MAP3K15: variants seen among roughly 807,000 people sequenced by gnomAD.
MAP3K15 encodes MAPK/ERK kinase kinase 15.
Under a neutral mutation model 99.5 loss-of-function variants are expected in MAP3K15, and 124 were observed. The ratio of observed to expected loss-of-function variants is 1.25; its 90% CI spans 1.08 to 1.45. MAP3K15 has a LOEUF of 1.45. Among genes scored for constraint, MAP3K15 ranks in the 40% most tolerant of loss-of-function variants. MAP3K15 has a pLI of 0.00. For synonymous variants in MAP3K15, 494 were observed against 439.6 expected (o/e 1.12, Z -1.55); for missense variants, 1,242 against 1,079.7 (o/e 1.15, Z -2.11).
At chrX:19,427,921 T>G (rs1476995276) in intron 7 of MAP3K15, among the ~76,000 whole-genome samples, 1 of 110,759 alleles carries the variant, frequency 9.0e-6, no homozygotes, top group Non-Finnish European at 1.9e-5. Context: ...AATTCAACCC[T>G]TTTTTTCCTG....
At chrX:19,394,316 A>C (rs1160803390) in intron 16 of MAP3K15, among the ~76,000 whole-genome samples, 1 of 111,413 alleles carries the variant, frequency 9.0e-6, no homozygotes, top group Non-Finnish European at 1.9e-5. Context: ...TACTCCAATA[A>C]TTATTACTCC....
rs760488691 is a variant in MAP3K15 at position 19,464,289 on chromosome X, T to G, written c.643A>C (p.Asn215His). The change falls in exon 4 of 29, where the codon AAC becomes CAC. Residue 215 changes from asparagine (N) to histidine (H), a missense_variant. Coordinates refer to ENST00000338883, the MANE Select transcript of MAP3K15 (RefSeq NM_001001671.4). ...GGCATGCACAGCGGGCCCAGGATGT[T>G]GTCCCAGTTGGGCTGCATGTACTCG... The part of the protein sequence containing the change: ...ASEYMQPNWD[N>H]ILGPLCMPLV... The G allele has an allele frequency of 8.3e-7, 1 of 1,198,168 alleles. No homozygotes were observed. The highest frequency in any genetic ancestry group is 3.0e-5 in the East Asian group (1 of 33,746).
chrX:19,420,547 T>C (rs977701021), intron 9 of MAP3K15, among the ~76,000 whole-genome samples: 3 of 111,063 alleles, frequency 2.7e-5, no homozygotes, highest in African/African-American at 9.8e-5. Flanking sequence ...AATAATAGCT[T>C]ACCAACCAAA....
intron 18 of MAP3K15, among the ~76,000 whole-genome samples, chrX:19,384,754 A>C (rs1353173760): frequency 1.2e-5 from 1 of 80,136 alleles, no homozygotes; most frequent in Non-Finnish European, 2.1e-5. Context: ...CAGGGGAAAA[A>C]AAAAAAAAAA....
At chrX:19,503,248 T>C (rs2064452687) in intron 1 of MAP3K15, among the ~76,000 whole-genome samples, 2 of 111,771 alleles carry the variant, frequency 1.8e-5, no homozygotes, top group African/African-American at 6.5e-5. Context: ...TATGCTCTGC[T>C]AGAAATAAAT....
intron 3 of MAP3K15, among the ~76,000 whole-genome samples, chrX:19,471,048 G>C (rs1002272435): frequency 9.0e-6 from 1 of 111,522 alleles, no homozygotes; most frequent in African/African-American, 3.3e-5. Context: ...GGCAATTTGA[G>C]TGGCAGAAGA....
chrX:19,403,369 C>T (rs2063622865), intron 13 of MAP3K15, among the ~76,000 whole-genome samples: 1 of 110,477 alleles, frequency 9.1e-6, no homozygotes, highest in South Asian at 3.8e-4. Context: ...ACTGCAATTA[C>T]TTTTACACCA....
intron 6 of MAP3K15, among the ~76,000 whole-genome samples, chrX:19,448,926 TCTA>T (rs1333650999): frequency 3.6e-5 from 4 of 109,741 alleles, no homozygotes; most frequent in African/African-American, 1.3e-4. Context: ...TTCCCACCAT[TCTA>T]CTTTTTTTTC....
intron 25 of MAP3K15, among the ~76,000 whole-genome samples, chrX:19,368,316 A>G (rs1001626196): frequency 9.0e-6 from 1 of 111,544 alleles, no homozygotes; most frequent in African/African-American, 3.3e-5. Flanking sequence ...CTAATTTTGT[A>G]GTTTTAGAAG....
chrX:19,374,423 C>G, intron 20 of MAP3K15, 54 bp downstream of exon 20: 1 of 1,111,882 alleles, frequency 9.0e-7, no homozygotes, highest in Admixed American at 2.3e-5. Flanking sequence ...AGAAGCCCAG[C>G]GCCCAGCATT....
intron 19 of MAP3K15, among the ~76,000 whole-genome samples, chrX:19,375,959 G>A (rs749612230): frequency 4.4e-5 from 5 of 112,428 alleles, no homozygotes; most frequent in East Asian, 2.8e-4. Context: ...TCACCTGAGC[G>A]GTAGGGAGGT....
chrX:19,369,971 C>T (rs889134452), intron 24 of MAP3K15, among the ~76,000 whole-genome samples: 5 of 110,989 alleles, frequency 4.5e-5, no homozygotes, highest in South Asian at 3.8e-4. Context: ...AAGCCTGTGC[C>T]GTTTTACTAC....
chrX:19,430,912 C>T (rs192006666), intron 7 of MAP3K15, among the ~76,000 whole-genome samples: 41 of 111,290 alleles, frequency 3.7e-4, no homozygotes, highest in Non-Finnish European at 6.6e-4. Context: ...CTCCTTTATC[C>T]CCTTCCCTGC....
chrX:19,465,830 GGTGTGTGTGTGTGTGTGTGTGTGT>G (rs10589040), intron 3 of MAP3K15, among the ~76,000 whole-genome samples: 1 of 94,006 alleles, frequency 1.1e-5, no homozygotes, highest in Non-Finnish European at 2.1e-5. Context: ...GGTGTGTAGG[GGTGTGTGTGTGTGTGTGTGTGTGT>G]GTGTGTGTGT....
At chrX:19,424,191 T>C (rs183125910) in intron 9 of MAP3K15, among the ~76,000 whole-genome samples, 1,912 of 108,140 alleles carry the variant, frequency 0.018, 44 homozygotes, top group African/African-American at 0.062. Flanking sequence ...ATCATGTATA[T>C]ATACACACAC....
At chrX:19,467,900 A>C (rs2064179775) in intron 3 of MAP3K15, among the ~76,000 whole-genome samples, 1 of 111,506 alleles carries the variant, frequency 9.0e-6, no homozygotes, top group Admixed American at 9.6e-5. Context: ...TCCCTGCCCC[A>C]GCTCCCTCAC....
chrX:19,382,849 C>T (rs957171486), intron 18 of MAP3K15, among the ~76,000 whole-genome samples: 1 of 112,369 alleles, frequency 8.9e-6, no homozygotes, highest in African/African-American at 3.2e-5. Context: ...CGATACTGTG[C>T]TGCTTATGAA....
chrX:19,432,869 A>T, intron 6 of MAP3K15, among the ~76,000 whole-genome samples: 1 of 110,275 alleles, frequency 9.1e-6, no homozygotes, highest in Middle Eastern at 4.6e-3. Flanking sequence ...GGCATGCACC[A>T]CCACGCCCAA....
In MAP3K15 at chrX:19,488,960, A is replaced by G; in HGVS notation, c.369T>C (p.Ala123=). 8.3e-7 allele frequency: 1 copy of G among 1,198,731 alleles called. No homozygotes were observed. The highest frequency in any genetic ancestry group is 1.1e-6 in the Non-Finnish European group (1 of 894,187). Residue 123 remains alanine (A), a synonymous_variant, in exon 2 of 29, where the codon GCT becomes GCC. Coordinates refer to ENST00000338883, the MANE Select transcript of MAP3K15 (RefSeq NM_001001671.4). ...TGGAGACATCGCTCATGTCTACCAC[A>G]GCAACATCTGCAATGAACAAGGAGA... The part of the protein sequence containing the change: ...VLDAFYDADV[A]VVDMSDVSRQ...
Sources: allele counts gnomAD v4.1 joint callset (sites outside exome capture counted in the v4.1 genomes callset), GRCh38; gene constraint gnomAD v4.1.1; transcripts MANE v1.5; gene names NCBI Gene and HGNC (gene_info 2026-07-23, HGNC 2026-07-21).